Variants in WDR70 observed in about 807,000 individuals in gnomAD.
The protein encoded by WDR70 is WD repeat domain 70.
Under a neutral mutation model 88.6 loss-of-function variants are expected in WDR70, and 53 were observed. The observed-to-expected ratio is 0.60, with a 90% confidence interval of 0.48 to 0.75. The LOEUF (loss-of-function observed/expected upper bound fraction) is 0.75. Among genes scored for constraint, WDR70 ranks in the 30% least tolerant of loss-of-function variants. The pLI is 0.00. For synonymous variants in WDR70, 280 were observed against 270.0 expected (o/e 1.04, Z -0.36); for missense variants, 610 against 823.2 (o/e 0.74, Z 3.17).
Position 37,662,270 on chromosome 5 carries a change from G to A in WDR70, c.1093-35385G>A, listed in dbSNP as rs1745721814. ...CTTTAAAACTCAGGTGAACAGGAGA[G>A]TTTAAGAGAAGATTCTGAGCTTGTG... is the stretch of plus-strand genomic sequence containing the variant. On this transcript the variant is annotated intron_variant, in intron 10 of 17. Coordinates refer to ENST00000265107, the MANE Select transcript of WDR70 (RefSeq NM_018034.4). 2.6e-5 allele frequency among the ~76,000 whole-genome samples: 4 copies of A among 152,280 alleles called. No individual in the cohort carries two copies. In the South Asian group the frequency reaches 8.3e-4, roughly 32 times the overall value.
intron 17 of WDR70, among the ~76,000 whole-genome samples, chr5:37,746,380 A>C (rs1748638373): frequency 6.6e-6 from 1 of 152,184 alleles, no homozygotes; most frequent in Non-Finnish European, 1.5e-5. Flanking sequence ...GAGCGGCAAG[A>C]GCAGACTAAT....
chr5:37,396,265 A>T, intron 4 of WDR70, 110 bp from the exon 5 acceptor site: 1 of 1,364,250 alleles, frequency 7.3e-7, no homozygotes, highest in East Asian at 2.5e-5. Context: ...AAATTAAAAA[A>T]TACCCAGTTG....
chr5:37,609,442 G>C (rs897264123), intron 10 of WDR70, among the ~76,000 whole-genome samples: 2 of 152,116 alleles, frequency 1.3e-5, no homozygotes, highest in South Asian at 2.1e-4. Flanking sequence ...CAATATACTA[G>C]ACTCTTGACT....
chr5:37,474,783 A>G (rs1739427806), intron 7 of WDR70, among the ~76,000 whole-genome samples: 1 of 152,074 alleles, frequency 6.6e-6, no homozygotes, highest in Non-Finnish European at 1.5e-5. Context: ...ACATGTGTCC[A>G]TGTGTTCCCA....
intron 3 of WDR70, among the ~76,000 whole-genome samples, chr5:37,386,259 C>T (rs1748613497): frequency 1.3e-5 from 2 of 152,078 alleles, no homozygotes; most frequent in African/African-American, 2.4e-5. Context: ...GTATAGGTAC[C>T]TTGTATTTAC....
At chr5:37,696,736 A>G (rs1304191657) in intron 10 of WDR70, among the ~76,000 whole-genome samples, 1 of 152,186 alleles carries the variant, frequency 6.6e-6, no homozygotes, top group Non-Finnish European at 1.5e-5. Context: ...TAGGGGAGAA[A>G]GTTTTTAATG....
chr5:37,752,954 G>A lies in WDR70; in HGVS notation c.*381G>A, dbSNP rs1361890094. On this transcript the variant is annotated 3_prime_UTR_variant, in exon 18 of 18. Coordinates refer to ENST00000265107, the MANE Select transcript of WDR70 (RefSeq NM_018034.4). ...ATAATATAGAAATAGAGATCAAAAA[G>A]TTTAATGTTTCTGTATAATTTCACA... 2 of 162,384 alleles carry A rather than the reference G, an allele frequency of 1.2e-5. 1 individual carries two copies. Among genetic ancestry groups the A allele is most frequent in the Admixed American group, 1.3e-4 (2 of 15,512 alleles). 10.1% of individuals were successfully genotyped at this position (162,384 alleles called of 1,614,324 possible).
At chr5:37,510,086 C>CT (rs1491095001) in intron 8 of WDR70, among the ~76,000 whole-genome samples, 1 of 148,086 alleles carries the variant, frequency 6.8e-6, no homozygotes, top group Non-Finnish European at 1.5e-5. Flanking sequence ...CTCCCCCCCC[C>CT]AAAAAAAAAC....
intron 10 of WDR70, among the ~76,000 whole-genome samples, chr5:37,682,026 C>T (rs1245724544): frequency 6.6e-6 from 1 of 152,064 alleles, no homozygotes; most frequent in African/African-American, 2.4e-5. Context: ...TCTTGTACAT[C>T]TGGAAAAATT....
intron 4 of WDR70, among the ~76,000 whole-genome samples, chr5:37,395,204 G>T (rs35075885): frequency 0.06 from 9,185 of 152,214 alleles, 381 homozygotes; most frequent in Non-Finnish European, 0.093. Context: ...GTGGTAGATG[G>T]TGAGGGCTAT....
chr5:37,432,230 AT>A (rs1414809144), intron 5 of WDR70, among the ~76,000 whole-genome samples: 2 of 152,174 alleles, frequency 1.3e-5, no homozygotes, highest in East Asian at 3.9e-4. Flanking sequence ...TTTTCTGTTT[AT>A]TTGATAGTAA....
chr5:37,660,418 C>T (rs770998944), intron 10 of WDR70, among the ~76,000 whole-genome samples: 8 of 148,994 alleles, frequency 5.4e-5, no homozygotes. Context: ...GAAATCTCAT[C>T]TATAGTTGTG....
intron 12 of WDR70, among the ~76,000 whole-genome samples, chr5:37,701,971 T>C (rs777150714): frequency 1.3e-5 from 2 of 152,182 alleles, no homozygotes; most frequent in East Asian, 3.9e-4. Flanking sequence ...ATCTACTAAA[T>C]TGGCACCTGA....
chr5:37,511,567 G>A (rs1166987503), intron 8 of WDR70, among the ~76,000 whole-genome samples: 1 of 151,990 alleles, frequency 6.6e-6, no homozygotes, highest in African/African-American at 2.4e-5. Context: ...TAGAGACCAG[G>A]ATCTCTGTGT....
intron 10 of WDR70, among the ~76,000 whole-genome samples, chr5:37,635,718 T>C (rs1329292928): frequency 6.6e-6 from 1 of 152,214 alleles, no homozygotes. Flanking sequence ...GTTACCCTGA[T>C]TGAGCTCACT....
chr5:37,747,097 G>A (rs187724250), intron 17 of WDR70, among the ~76,000 whole-genome samples: 3 of 152,208 alleles, frequency 2.0e-5, no homozygotes, highest in East Asian at 3.9e-4. Flanking sequence ...TCATCCCTGG[G>A]ATGCAAGGCT....
intron 10 of WDR70, among the ~76,000 whole-genome samples, chr5:37,671,632 C>T (rs933368374): frequency 6.6e-6 from 1 of 152,008 alleles, no homozygotes; most frequent in Non-Finnish European, 1.5e-5. Flanking sequence ...ATAGTTTTTT[C>T]CACTGTTTCT....
intron 10 of WDR70, among the ~76,000 whole-genome samples, chr5:37,654,365 A>G (rs1011828786): frequency 6.6e-6 from 1 of 152,130 alleles, no homozygotes; most frequent in Admixed American, 6.6e-5. Context: ...TACTCCAGTT[A>G]TGTGGTCAAT....
chr5:37,649,765 T>C (rs1357745641), intron 10 of WDR70, among the ~76,000 whole-genome samples: 5 of 89,916 alleles, frequency 5.6e-5, no homozygotes, highest in African/African-American at 9.4e-5. Flanking sequence ...TGAGACGGAG[T>C]CTCGCTCTGT....
Sources: gnomAD v4.1 joint callset for allele counts (sites outside exome capture counted in the v4.1 genomes callset) on GRCh38, gnomAD v4.1.1 for gene constraint, MANE v1.5 for transcripts, NCBI Gene and HGNC (gene_info 2026-07-23, HGNC 2026-07-21) for gene names.